The following FRY variants were observed in gnomAD, a reference collection of about 807,000 sequenced individuals.
FRY encodes the protein protein furry homolog.
In FRY, 128 loss-of-function variants were observed where a neutral mutation model predicts 348.4. That is an observed-to-expected ratio of 0.37 (90% CI 0.32 to 0.43). FRY has a LOEUF of 0.43. Among genes scored for constraint, FRY ranks in the 20% least tolerant of loss-of-function variants. The pLI is 1.00. For synonymous variants in FRY, 1,370 were observed against 1,374.7 expected (o/e 1.00, Z 0.08); for missense variants, 2,736 against 3,695.2 (o/e 0.74, Z 6.73).
rs148949845 is a variant in FRY, at chr13:32,152,150, G to A, written c.1479+2316G>A. ...GAAATAACTGTAGATTGAATGACTC[G>A]CTGTTAACAACAAGAGGTCAGTTGT... On this transcript the variant is annotated intron_variant, in intron 14 of 60. Coordinates refer to ENST00000542859, the MANE Select transcript of FRY (RefSeq NM_023037.3). Among the ~76,000 whole-genome samples, 7 of 152,254 alleles carry A rather than the reference G, an allele frequency of 4.6e-5. No individual in the cohort carries two copies. The East Asian group carries it at 9.7e-4, about 21-fold the overall frequency.
Position 32,135,065 on chromosome 13 carries a change from C to A in FRY, c.979-20C>A. 1.3e-6 allele frequency: 2 copies of A among 1,550,854 alleles called. No homozygotes were observed. The highest frequency in any genetic ancestry group is 1.8e-6 in the Non-Finnish European group (2 of 1,122,496). On this transcript the variant is annotated intron_variant, in intron 9 of 60. Coordinates refer to ENST00000542859, the MANE Select transcript of FRY (RefSeq NM_023037.3). ...TCAACAATTTTATTAATATAATATT[C>A]ACATGCATCTCTATTTCAGGCTGTT...
intron 1 of FRY, among the ~76,000 whole-genome samples, chr13:32,073,602 T>G (rs2138507259): frequency 6.6e-6 from 1 of 152,216 alleles, no homozygotes; most frequent in East Asian, 1.9e-4. Flanking sequence ...TTACCCCACC[T>G]CAGTACAACA....
intron 1 of FRY, among the ~76,000 whole-genome samples, chr13:32,072,029 T>TA (rs1238548697): frequency 6.6e-6 from 1 of 152,200 alleles, no homozygotes; most frequent in African/African-American, 2.4e-5. Context: ...ACAAGCCCCT[T>TA]AACCTCTCTG....
chr13:32,181,294 T>C (rs994107102), intron 23 of FRY, among the ~76,000 whole-genome samples: 1 of 151,932 alleles, frequency 6.6e-6, no homozygotes, highest in Non-Finnish European at 1.5e-5. Flanking sequence ...CAAAATATCA[T>C]ATAGAAATAC....
chr13:32,038,963 T>G (rs1872650681), intron 1 of FRY, among the ~76,000 whole-genome samples: 1 of 152,148 alleles, frequency 6.6e-6, no homozygotes, highest in South Asian at 2.1e-4. Context: ...TTCCTTTCCT[T>G]CCTTGTTCGA....
rs374367048 is a variant in FRY, at chr13:32,247,499, G to A, written c.7005G>A (p.Ser2335=). The A allele has an allele frequency of 1.4e-5, 22 of 1,609,562 alleles. No homozygotes were observed. The highest frequency in any genetic ancestry group is 1.6e-4 in the Middle Eastern group (1 of 6,076). Residue 2335 remains serine (S), a synonymous_variant, in exon 48 of 61, where the codon TCG becomes TCA. Coordinates refer to ENST00000542859, the MANE Select transcript of FRY (RefSeq NM_023037.3). ...CCCTGGACTTCCACTTCGATATTTC[G>A]GAGGTACTTAGCTATGTTAACTATT... ...GKTLDFHFDI[S]ETPIIGRRYD... is the part of the protein sequence containing the mutation.
intron 19 of FRY, among the ~76,000 whole-genome samples, chr13:32,173,979 A>C (rs569130750): frequency 9.2e-5 from 14 of 152,374 alleles, no homozygotes; most frequent in African/African-American, 3.1e-4. Context: ...ATGATGGTAG[A>C]AAATGGCATC....
At chr13:32,221,112 A>T (rs1885291692) in intron 36 of FRY, among the ~76,000 whole-genome samples, 1 of 152,148 alleles carries the variant, frequency 6.6e-6, no homozygotes, top group African/African-American at 2.4e-5. Flanking sequence ...CCTCTTAGCC[A>T]CATCCCATGA....
At chr13:32,069,361 A>G (rs1221722325) in intron 1 of FRY, among the ~76,000 whole-genome samples, 2 of 152,128 alleles carry the variant, frequency 1.3e-5, no homozygotes, top group Non-Finnish European at 2.9e-5. Flanking sequence ...GAAAGTATAC[A>G]ACTATTCTAA....
rs1885149449 is a variant in FRY at position 32,218,811 on chromosome 13, G to T, written c.4745G>T (p.Gly1582Val). 2 of 1,601,056 alleles carry T rather than the reference G, an allele frequency of 1.2e-6. No homozygotes were observed. Among genetic ancestry groups the T allele is most frequent in the Non-Finnish European group, 1.7e-6 (2 of 1,168,246 alleles). ...TCAAGATACAGCAATAGCTCTGGAG[G>T]ATCCTACGATGAAGATAAAAGTAAG... Reference protein sequence around the residue: ...LESRYSNSSGGSYDEDKNDPI... With the variant: ...LESRYSNSSGVSYDEDKNDPI... Residue 1582 changes from glycine (G) to valine (V), a missense_variant, in exon 36 of 61, where the codon GGA (glycine) becomes GTA (valine). Transcript: ENST00000542859.
chr13:32,080,853 G>C (rs1016377883), intron 2 of FRY, among the ~76,000 whole-genome samples: 4 of 152,184 alleles, frequency 2.6e-5, no homozygotes, highest in African/African-American at 9.7e-5. Flanking sequence ...TAGTCTCTTT[G>C]AAATTGTGTA....
chr13:32,193,704 G>T (rs1883495981), intron 28 of FRY, among the ~76,000 whole-genome samples: 1 of 149,526 alleles, frequency 6.7e-6, no homozygotes, highest in African/African-American at 2.5e-5. Flanking sequence ...TCCTACCTCA[G>T]CCTCCTGAGT....
In FRY at chr13:32,261,060, C is replaced by T. The variant is rs78533437; in HGVS notation, c.7417-556C>T. ...TAGTGCATGATCCATCAGACTTTGC[C>T]CAGCTGCTCTGATAGTCTTTAACTC... is the stretch of plus-strand genomic sequence containing the variant. On this transcript the variant is annotated intron_variant, in intron 51 of 60. Transcript: ENST00000542859. 6.0e-3 allele frequency among the ~76,000 whole-genome samples: 907 copies of T among 152,308 alleles called. 5 individuals carry two copies. Among genetic ancestry groups the T allele is most frequent in the Non-Finnish European group, 8.1e-3 (549 of 68,022 alleles).
At chr13:32,173,160 C>T (rs751464367) in intron 18 of FRY, among the ~76,000 whole-genome samples, 7 of 152,024 alleles carry the variant, frequency 4.6e-5, no homozygotes, top group African/African-American at 7.2e-5. Flanking sequence ...GATGGTATTC[C>T]GCAGCAGCAA....
At chr13:32,174,308 C>T (rs1427538983) in intron 19 of FRY, among the ~76,000 whole-genome samples, 1 of 152,178 alleles carries the variant, frequency 6.6e-6, no homozygotes, top group Non-Finnish European at 1.5e-5. Context: ...CTTTTCTGTT[C>T]ATATTTCTTC....
intron 14 of FRY, among the ~76,000 whole-genome samples, chr13:32,152,580 CAAA>C (rs1480848489): frequency 1.3e-5 from 2 of 152,044 alleles, no homozygotes; most frequent in African/African-American, 4.8e-5. Flanking sequence ...TATCCACCTG[CAAA>C]ATACTGAACC....
chr13:32,068,228 C>T (rs576648590), intron 1 of FRY, among the ~76,000 whole-genome samples: 6 of 151,740 alleles, frequency 4.0e-5, no homozygotes, highest in Middle Eastern at 3.4e-3. Context: ...TGATATTTTG[C>T]GGCATAAAAT....
intron 48 of FRY, among the ~76,000 whole-genome samples, chr13:32,248,810 G>A (rs115914594): frequency 0.019 from 2,838 of 152,222 alleles, 92 homozygotes; most frequent in African/African-American, 0.058. Flanking sequence ...AGTTTGTTGT[G>A]TTCTAAAGAG....
chr13:32,277,558 C>A (rs928545711), intron 57 of FRY, among the ~76,000 whole-genome samples: 1 of 152,152 alleles, frequency 6.6e-6, no homozygotes, highest in African/African-American at 2.4e-5. Flanking sequence ...GATTCAAAGG[C>A]CCACGCTCTT....
Sources: allele counts gnomAD v4.1 joint callset (sites outside exome capture counted in the v4.1 genomes callset), GRCh38; gene constraint gnomAD v4.1.1; transcripts MANE v1.5; gene names NCBI Gene and HGNC (gene_info 2026-07-23, HGNC 2026-07-21).